REST: variants seen among roughly 807,000 people sequenced by gnomAD.
REST encodes RE1-silencing transcription factor.
In REST, 1 loss-of-function variant was observed where a neutral mutation model predicts 30.4. That is an observed-to-expected ratio of 0.03 (90% CI 0.01 to 0.16). REST has a LOEUF of 0.16. Ranked by LOEUF, REST falls within the 10% of genes least tolerant of loss-of-function variation. The probability of loss-of-function intolerance (pLI) is 1.00; values close to 1 mark genes in which losing one functional copy is unlikely to be tolerated. For synonymous variants in REST, 504 were observed against 451.1 expected, an observed-to-expected ratio of 1.12 and a Z score of -1.49; for missense variants, 1,259 against 1,329.5, an observed-to-expected ratio of 0.95 and a Z score of 0.82.
intron 2 of REST, among the ~76,000 whole-genome samples, chr4:56,919,003 C>T (rs1204017132): frequency 6.2e-5 from 9 of 144,162 alleles, no homozygotes; most frequent in Non-Finnish European, 1.4e-4. Flanking sequence ...TTTTTTTAAA[C>T]GAGATGAAGT....
At chr4:56,929,370 C>G (rs1720861083) in intron 3 of REST, among the ~76,000 whole-genome samples, 1 of 152,116 alleles carries the variant, frequency 6.6e-6, no homozygotes, top group Admixed American at 6.6e-5. Flanking sequence ...TCAGGTTGTT[C>G]TCTAATTCCT....
chr4:56,931,758 A>G lies in REST; in HGVS notation c.2900A>G (p.Glu967Gly), dbSNP rs1186198032. ...ENLTGINSTV[E>G]EPVSPMLPPS... ...CTCACTGGTATAAATTCAACAGTTG[A>G]AGAACCAGTTTCACCAATGCTTCCC... Residue 967 changes from glutamate (E) to glycine (G), a missense_variant, in exon 4 of 4, where the codon GAA (glutamate) becomes GGA (glycine). Around this residue, in one of 5 missense-constraint regions of REST, gnomAD observed 856 missense variants for 772.8 expected, o/e 1.11. Transcript: ENST00000309042. 6.2e-7 allele frequency: 1 copy of G among 1,614,244 alleles called. No homozygotes were observed. The highest frequency in any genetic ancestry group is 8.5e-7 in the Non-Finnish European group (1 of 1,180,044).
Position 56,927,755 on chromosome 4 carries a change from T to A in REST, c.983-2086T>A, listed in dbSNP as rs112334263. On this transcript the variant is annotated intron_variant, in intron 3 of 3. Transcript: ENST00000309042. ...TATGTATCAGTGATTGTGACTTTGCTTATTTTACATACCATATCTATTTGT... is the reference window on the plus strand; with the variant it reads ...TATGTATCAGTGATTGTGACTTTGCATATTTTACATACCATATCTATTTGT... The A allele has an allele frequency of 1.5e-3, 599 of 394,606 alleles. 6 individuals are homozygous for A. The highest frequency in any genetic ancestry group is 0.012 in the African/African-American group (559 of 46,258). 24.4% of individuals were successfully genotyped at this position (394,606 alleles called of 1,614,324 possible). A position where few individuals can be genotyped will look rare whatever the true frequency, so the allele number is the denominator to read the frequency against.
chr4:56,932,339 AAGAG>A lies in REST; in HGVS notation c.*190_*193del. The A allele has an allele frequency of 1.6e-6, 1 of 619,248 alleles. No individual in the cohort carries two copies. The highest frequency in any genetic ancestry group is 2.3e-5 in the South Asian group (1 of 43,790). The allele number at this position is 619,248 out of a possible 1,614,324, so 38.4% of individuals were successfully genotyped here. On this transcript the variant is annotated 3_prime_UTR_variant, in exon 4 of 4. Transcript: ENST00000309042. ...TTGTTGTGTAAATTTTAGTAAATCT[AAGAG>A]AGTGTACTAAACCAGCAGGTATCTG...
chr4:56,929,321 T>A (rs1193049262), intron 3 of REST, among the ~76,000 whole-genome samples: 1 of 152,170 alleles, frequency 6.6e-6, no homozygotes, highest in Non-Finnish European at 1.5e-5. Flanking sequence ...TCCGCCCACC[T>A]TGGCCTCCCA....
chr4:56,911,301 C>T lies in REST; in HGVS notation c.663C>T (p.Cys221=), dbSNP rs1219807503. ...FSKGPIRCDR[C]GYNTNRYDHY... ...AGGGCCCCATTCGCTGTGACCGCTG[C>T]GGCTACAATACTAATCGATATGATC... The change falls in exon 2 of 4, where the codon TGC becomes TGT. Residue 221 remains cysteine, a synonymous_variant. Transcript: ENST00000309042. The T allele has an allele frequency of 6.2e-6, 10 of 1,614,006 alleles. No individual in the cohort carries two copies. The highest frequency in any genetic ancestry group is 3.3e-5 in the South Asian group (3 of 91,080).
intron 2 of REST, among the ~76,000 whole-genome samples, chr4:56,911,861 G>T (rs984512015): frequency 6.6e-6 from 1 of 152,168 alleles, no homozygotes; most frequent in African/African-American, 2.4e-5. Context: ...GGTGGCTCAC[G>T]CCTGTAATCC....
chr4:56,919,912 G>T lies in REST; in HGVS notation c.982+42G>T. 2.9e-6 allele frequency: 3 copies of T among 1,047,432 alleles called. No homozygotes were observed. The South Asian group carries it at 5.2e-5, about 18-fold the overall frequency. The allele number at this position is 1,047,432 out of a possible 1,614,324, so 64.9% of individuals were successfully genotyped here. ...AACTTTTCTATCATTTTCAGTAAATGACCATTTTAAGGAAATTCTTTTAGA... is the reference window on the plus strand; with the variant it reads ...AACTTTTCTATCATTTTCAGTAAATTACCATTTTAAGGAAATTCTTTTAGA... On this transcript the variant is annotated intron_variant, in intron 3 of 3. Transcript: ENST00000309042.
At chr4:56,927,661 A>G (rs927790540) in intron 3 of REST, 1 of 1,237,270 alleles carries the variant, frequency 8.1e-7, no homozygotes, top group Non-Finnish European at 1.0e-6. Context: ...TGTGATCTAG[A>G]TGGGTATGTA....
intron 2 of REST, among the ~76,000 whole-genome samples, chr4:56,915,871 T>C (rs1282404998): frequency 6.6e-6 from 1 of 152,194 alleles, no homozygotes; most frequent in Non-Finnish European, 1.5e-5. Flanking sequence ...TCTGTGATGA[T>C]AGTTCATGTT....
Position 56,913,496 on chromosome 4 carries a change from T to C in REST, c.898+1960T>C, listed in dbSNP as rs145984035. On this transcript the variant is annotated intron_variant, in intron 2 of 3. Transcript: ENST00000309042. ...TAGAGAATAATCCAGTACTCTACTC[T>C]TGGGGTCACAAATGAATAGGGGGTG... Among the ~76,000 whole-genome samples, 145 of 152,320 alleles carry C rather than the reference T, an allele frequency of 9.5e-4. 1 individual carries two copies. Among genetic ancestry groups the C allele is most frequent in the South Asian group, 6.4e-3 (31 of 4,830 alleles).
chr4:56,921,321 A>G (rs1488798319), intron 3 of REST, among the ~76,000 whole-genome samples: 1 of 152,220 alleles, frequency 6.6e-6, no homozygotes, highest in Non-Finnish European at 1.5e-5. Context: ...CACTAGCCAC[A>G]TGTGGCTATT....
chr4:56,925,901 A>G lies in REST; in HGVS notation c.983-3940A>G, dbSNP rs28544519. 2.0e-4 allele frequency among the ~76,000 whole-genome samples: 31 copies of G among 152,206 alleles called. 1 individual carries two copies. Among genetic ancestry groups the G allele is most frequent in the African/African-American group, 7.0e-4 (29 of 41,498 alleles). On this transcript the variant is annotated intron_variant, in intron 3 of 3. Transcript: ENST00000309042. ...TGGACCCTCGCACCTTGATGGATGCATGCTTGCTCTATAGATCTCCTTATT... is the reference window on the plus strand; with the variant it reads ...TGGACCCTCGCACCTTGATGGATGCGTGCTTGCTCTATAGATCTCCTTATT...
chr4:56,932,080 T>G lies in REST; in HGVS notation c.3222T>G (p.Asp1074Glu). The G allele has an allele frequency of 6.2e-7, 1 of 1,614,224 alleles. No homozygotes were observed. The highest frequency in any genetic ancestry group is 8.5e-7 in the Non-Finnish European group (1 of 1,180,042). Residue 1074 changes from aspartate to glutamate, a missense_variant, in exon 4 of 4, where the codon GAT (aspartate) becomes GAG (glutamate). Around this residue, in one of 5 missense-constraint regions of REST, gnomAD observed 25 missense variants for 33.2 expected, o/e 0.75. Coordinates refer to ENST00000309042, the MANE Select transcript of REST (RefSeq NM_005612.5). Reference sequence around the variant, plus strand: ...ATCGTTCTTTCAGAAAGGGAAAAGATTACAGCAAACACCTCAATCGCCATT... The same window carrying G: ...ATCGTTCTTTCAGAAAGGGAAAAGAGTACAGCAAACACCTCAATCGCCATT... Reference protein sequence around the residue: ...FCDRSFRKGKDYSKHLNRHLV... With the variant: ...FCDRSFRKGKEYSKHLNRHLV...
At chr4:56,924,579 T>A (rs1483990508) in intron 3 of REST, among the ~76,000 whole-genome samples, 2 of 151,624 alleles carry the variant, frequency 1.3e-5, no homozygotes, top group Non-Finnish European at 2.9e-5. Context: ...CACCTTAACC[T>A]CCCAAGTAGC....
rs750612169 is a variant in REST, at chr4:56,931,041, C to G, written c.2183C>G (p.Pro728Arg). Residue 728 changes from proline to arginine, a missense_variant, in exon 4 of 4, where the codon CCT becomes CGT. Physicochemically the swap from Pro to Arg is moderately radical, Grantham distance 103 (BLOSUM62 -2). Coordinates refer to ENST00000309042, the MANE Select transcript of REST (RefSeq NM_005612.5). ...CCCATGCAGGTGGTCCAGAAGGAGC[C>G]TGTTCAGATGGAGCTGTCTCCTCCC... ...SAPMQVVQKE[P>R]VQMELSPPME... 2.5e-6 allele frequency: 4 copies of G among 1,613,874 alleles called. No individual in the cohort carries two copies. The highest frequency in any genetic ancestry group is 3.4e-6 in the Non-Finnish European group (4 of 1,179,866).
In REST at chr4:56,935,638, T is replaced by C. The variant is rs1225352828; in HGVS notation, c.*3486T>C. On this transcript the variant is annotated 3_prime_UTR_variant, in exon 4 of 4. Coordinates refer to ENST00000309042, the MANE Select transcript of REST (RefSeq NM_005612.5). The stretch of plus-strand genomic sequence containing the variant: ...ATTTCTCAAGGTTCTTGCTGCCTTC[T>C]TTAGCAGCATTTGATGGAAGATCTT... The C allele has an allele frequency of 6.6e-6, 1 of 152,224 alleles. No homozygotes were observed. 9.4% of individuals were successfully genotyped at this position (152,224 alleles called of 1,614,324 possible).
At chr4:56,917,931 A>G (rs576733782) in intron 2 of REST, among the ~76,000 whole-genome samples, 1 of 151,918 alleles carries the variant, frequency 6.6e-6, no homozygotes, top group East Asian at 2.0e-4. Context: ...GGGCGCCTGT[A>G]GTCCCAGCTA....
At chr4:56,911,803 A>G (rs935032224) in intron 2 of REST, among the ~76,000 whole-genome samples, 4 of 152,222 alleles carry the variant, frequency 2.6e-5, no homozygotes, top group African/African-American at 7.2e-5. Context: ...ACTAAAGTAC[A>G]TATCCTAACT....
Sources: allele counts gnomAD v4.1 joint callset (sites outside exome capture counted in the v4.1 genomes callset), GRCh38; gene constraint gnomAD v4.1.1; regional missense constraint gnomAD v4.1.1; transcripts MANE v1.5; gene names NCBI Gene and HGNC (gene_info 2026-07-23, HGNC 2026-07-21).